Variants in TMEM200C observed in about 807,000 individuals in gnomAD.
TMEM200C encodes the protein transmembrane protein 200C, also known as transmembrane protein TTMA.
For synonymous variants in TMEM200C, 462 were observed against 324.7 expected (o/e 1.42, Z -4.55); for missense variants, 966 against 699.9 (o/e 1.38, Z -4.29).
chr18:5,891,682 C>G lies in TMEM200C; in HGVS notation c.382G>C (p.Ala128Pro). The change falls in exon 3 of 3, where the codon GCG becomes CCG. Residue 128 changes from alanine (A) to proline (P), a missense_variant. Transcript: ENST00000581347. This position sits in a 1 kb window ranked among gnomAD's most constrained non-coding sequence, Gnocchi z 4.7. The stretch of plus-strand genomic sequence containing the variant: ...GGAGGCGTGCTCCTGGGCGCGCCCG[C>G]GGAACTGGAGTTGACACCCCCTGGA... 6.2e-7 allele frequency: 1 copy of G among 1,613,724 alleles called. No individual in the cohort carries two copies. Among genetic ancestry groups the G allele is most frequent in the Non-Finnish European group, 8.5e-7 (1 of 1,179,850 alleles).
chr18:5,892,022 C>T (rs779940761), exon 3 of TMEM200C: 2 of 1,613,764 alleles, frequency 1.2e-6, no homozygotes, highest in African/African-American at 2.7e-5. Flanking sequence ...GTGGATCCTG[C>T]TTTCTGGCGG....
At chr18:5,889,794 T>C (rs1182429090) in exon 3 of TMEM200C, 1 of 155,162 alleles carries the variant, frequency 6.4e-6, no homozygotes, top group Non-Finnish European at 1.4e-5. Flanking sequence ...CAAGCAGCTG[T>C]GGGCAAAACC....
At chr18:5,893,472 T>C (rs752556671) in intron 2 of TMEM200C, among the ~76,000 whole-genome samples, 6 of 152,242 alleles carry the variant, frequency 3.9e-5, no homozygotes, top group Non-Finnish European at 5.9e-5. Context: ...AGTCTTGCTG[T>C]ATCTCCAGAG....
Position 5,891,554 on chromosome 18 carries a change from G to A in TMEM200C, c.510C>T (p.Pro170=). Residue 170 remains proline, a synonymous_variant, in exon 3 of 3, where the codon CCC becomes CCT. Coordinates refer to ENST00000581347, the Ensembl canonical transcript of TMEM200C. This position sits in a 1 kb window ranked among gnomAD's most constrained non-coding sequence, Gnocchi z 4.7. The stretch of plus-strand genomic sequence containing the variant: ...GGAAGATGCCGATGCCCATGATGAG[G>A]GGCCCGAAGACCTTGAGCTTGTCAG... 5.0e-6 allele frequency: 8 copies of A among 1,613,698 alleles called. No individual in the cohort carries two copies. The highest frequency in any genetic ancestry group is 3.3e-5 in the Admixed American group (2 of 59,992).
exon 3 of TMEM200C, chr18:5,885,058 C>T (rs1193825258): frequency 6.6e-6 from 1 of 152,080 alleles, no homozygotes; most frequent in African/African-American, 2.4e-5. Flanking sequence ...AGAATATTTG[C>T]TAAGGAATAA....
chr18:5,893,253 T>A (rs2095172936), intron 2 of TMEM200C, among the ~76,000 whole-genome samples: 1 of 152,168 alleles, frequency 6.6e-6, no homozygotes, highest in African/African-American at 2.4e-5. Context: ...TATGATGATT[T>A]GTAGAATGAC....
At chr18:5,894,306 T>C (rs1182616443) in intron 2 of TMEM200C, among the ~76,000 whole-genome samples, 1 of 152,190 alleles carries the variant, frequency 6.6e-6, no homozygotes, top group Admixed American at 6.5e-5. Context: ...ATGAGTTTAA[T>C]AGCTAGTAAT....
exon 3 of TMEM200C, chr18:5,890,586 G>A (rs1196586484): frequency 2.0e-5 from 26 of 1,271,030 alleles, no homozygotes; most frequent in Non-Finnish European, 2.6e-5. Context: ...GTCCGGGTCC[G>A]CACTCCCCGG....
exon 3 of TMEM200C, chr18:5,890,491 A>G: frequency 6.5e-7 from 1 of 1,546,516 alleles, no homozygotes; most frequent in Non-Finnish European, 8.7e-7. Context: ...TCCGACTGGG[A>G]GCTCCCGGAG....
At chr18:5,889,853 G>C (rs1007236801) in exon 3 of TMEM200C, 3 of 177,424 alleles carry the variant, frequency 1.7e-5, no homozygotes, top group South Asian at 3.9e-4. Context: ...AAAAAAGTCG[G>C]AGTAAAGTGC....
At chr18:5,892,312 G>A (rs2095172132) in intron 2 of TMEM200C, among the ~76,000 whole-genome samples, 155 bp from the exon 2 acceptor site, 1 of 152,224 alleles carries the variant, frequency 6.6e-6, no homozygotes, top group Non-Finnish European at 1.5e-5. Flanking sequence ...AGAGGCTGGA[G>A]CCAGGTAGAC....
rs549090112 is a variant in TMEM200C at position 5,884,717 on chromosome 18, G to A, written c.*5481C>T. On this transcript the variant is annotated 3_prime_UTR_variant, in exon 3 of 3. Transcript: ENST00000581347. ...ACAAAAGGGAGTGAAAAGGCAATTA[G>A]CCACATAAAACAATAGCAAAAGTCC... is the stretch of plus-strand genomic sequence containing the variant. The A allele has an allele frequency of 4.6e-5, 7 of 152,214 alleles. No homozygotes were observed. The East Asian group carries it at 1.4e-3, about 29-fold the overall frequency. 9.4% of individuals were successfully genotyped at this position (152,214 alleles called of 1,614,324 possible).
chr18:5,888,432 C>G (rs747049430), exon 3 of TMEM200C: 9 of 152,168 alleles, frequency 5.9e-5, no homozygotes, highest in Non-Finnish European at 1.0e-4. Flanking sequence ...CGTATATTCA[C>G]TCTTTGCCAA....
At chr18:5,887,053 A>G (rs2095165911) in exon 3 of TMEM200C, 1 of 152,194 alleles carries the variant, frequency 6.6e-6, no homozygotes, top group African/African-American at 2.4e-5. Context: ...ATAGTGTGGA[A>G]AAGGAAATTG....
At chr18:5,892,760 A>G (rs1164706267) in intron 2 of TMEM200C, among the ~76,000 whole-genome samples, 1 of 152,060 alleles carries the variant, frequency 6.6e-6, no homozygotes, top group East Asian at 1.9e-4. Flanking sequence ...CAGGCGGTTT[A>G]TTTACTTCAG....
chr18:5,896,110 G>A (rs920423194), upstream of TMEM200C, among the ~76,000 whole-genome samples: 36 of 152,126 alleles, frequency 2.4e-4, no homozygotes, highest in Non-Finnish European at 4.6e-4. Context: ...CAGCGAACTC[G>A]GGCCCGGGCG....
In TMEM200C at chr18:5,891,470, G is replaced by C; in HGVS notation, c.594C>G (p.Ile198Met). The C allele has an allele frequency of 6.3e-7, 1 of 1,582,834 alleles. No individual in the cohort carries two copies. Among genetic ancestry groups the C allele is most frequent in the Non-Finnish European group, 8.6e-7 (1 of 1,164,948 alleles). ...CGGTGGAGTAGAGGTCCCGCAGGTT[G>C]ATGATTTTGGTCTTCTTGTCCCGGT... The change falls in exon 3 of 3, where the codon ATC becomes ATG. Residue 198 changes from isoleucine to methionine, a missense_variant. Ile to Met is a conservative substitution (Grantham distance 10). Transcript: ENST00000581347. The surrounding 1 kb of genome is among the most constrained non-coding windows in gnomAD (Gnocchi z 4.7).
At position 5,891,528 on chromosome 18, in the gene TMEM200C, A is replaced by G; in HGVS notation, c.536T>C (p.Leu179Pro). The G allele has an allele frequency of 6.2e-7, 1 of 1,613,066 alleles. No homozygotes were observed. The highest frequency in any genetic ancestry group is 8.5e-7 in the Non-Finnish European group (1 of 1,179,632). ...GAGGACCGCGTTTGCGCAGATGAAG[A>G]GGAAGATGCCGATGCCCATGATGAG... Residue 179 changes from leucine (L) to proline (P), a missense_variant, in exon 3 of 3, where the codon CTC becomes CCC. Transcript: ENST00000581347. This position sits in a 1 kb window ranked among gnomAD's most constrained non-coding sequence, Gnocchi z 4.7.
chr18:5,883,842 A>G (rs935020765), exon 3 of TMEM200C: 2 of 152,108 alleles, frequency 1.3e-5, no homozygotes. Flanking sequence ...ATCTCCTTAT[A>G]CACACGTCTA....
Sources: allele counts gnomAD v4.1 joint callset (sites outside exome capture counted in the v4.1 genomes callset), GRCh38; gene constraint gnomAD v4.1.1; non-coding constraint Gnocchi (gnomAD v3.1); transcripts MANE v1.5; gene names NCBI Gene and HGNC (gene_info 2026-07-23, HGNC 2026-07-21).